The following CEP128 variants were observed in gnomAD, a reference collection of about 807,000 sequenced individuals.
CEP128 encodes centrosomal protein 128kDa.
A neutral mutation model predicts 156.7 loss-of-function variants in CEP128; 132 were observed. The ratio of observed to expected loss-of-function variants is 0.84; its 90% CI spans 0.73 to 0.97. The LOEUF (loss-of-function observed/expected upper bound fraction) is 0.97. Among genes scored for constraint, CEP128 ranks in the 50% least tolerant of loss-of-function variants. CEP128 has a pLI of 0.00. For missense variants in CEP128, 1,252 were observed against 1,281.9 expected, an observed-to-expected ratio of 0.98 and a Z score of 0.36; for synonymous variants, 469 against 448.9, an observed-to-expected ratio of 1.04 and a Z score of -0.57.
At chr14:80,551,593 C>A (rs1890210198) in intron 21 of CEP128, among the ~76,000 whole-genome samples, 1 of 152,180 alleles carries the variant, frequency 6.6e-6, no homozygotes, top group African/African-American at 2.4e-5. Context: ...AAAACAGATA[C>A]ATAGGTAAGG....
At chr14:80,608,460 T>C (rs1404594913) in intron 19 of CEP128, among the ~76,000 whole-genome samples, 1 of 152,206 alleles carries the variant, frequency 6.6e-6, no homozygotes, top group African/African-American at 2.4e-5. Flanking sequence ...TACTGTCCTC[T>C]AACACCAAGC....
At chr14:80,700,830 G>T (rs1033674423) in intron 19 of CEP128, among the ~76,000 whole-genome samples, 1 of 152,088 alleles carries the variant, frequency 6.6e-6, no homozygotes, top group East Asian at 1.9e-4. Flanking sequence ...AAATAATATT[G>T]TTTCTTTATA....
chr14:80,735,668 A>G (rs1898493287), intron 19 of CEP128, among the ~76,000 whole-genome samples: 1 of 152,212 alleles, frequency 6.6e-6, no homozygotes, highest in South Asian at 2.1e-4. Context: ...ATGCAAATTT[A>G]TTATGTTACA....
intron 20 of CEP128, among the ~76,000 whole-genome samples, chr14:80,566,053 T>C (rs1010502874): frequency 1.3e-5 from 2 of 152,196 alleles, no homozygotes; most frequent in African/African-American, 4.8e-5. Flanking sequence ...TCTCTGGGAC[T>C]TAGGGACCAT....
chr14:80,736,775 A>C (rs763293719), intron 19 of CEP128, among the ~76,000 whole-genome samples: 9 of 152,242 alleles, frequency 5.9e-5, no homozygotes, highest in Non-Finnish European at 1.2e-4. Context: ...ATGAATCATA[A>C]GTTTCCACTG....
chr14:80,752,622 C>A (rs1340250297), intron 18 of CEP128, among the ~76,000 whole-genome samples: 8 of 152,070 alleles, frequency 5.3e-5, no homozygotes, highest in East Asian at 1.9e-4. Context: ...ACTTCTCACA[C>A]AATGTTTTAA....
At chr14:80,517,780 T>C (rs749313496) in intron 23 of CEP128, among the ~76,000 whole-genome samples, 1 of 152,060 alleles carries the variant, frequency 6.6e-6, no homozygotes, top group Non-Finnish European at 1.5e-5. Context: ...AAGCTGTGGG[T>C]CATGGAAGAG....
At chr14:80,680,310 G>C (rs1403097326) in intron 19 of CEP128, among the ~76,000 whole-genome samples, 1 of 152,094 alleles carries the variant, frequency 6.6e-6, no homozygotes, top group Non-Finnish European at 1.5e-5. Flanking sequence ...TCATGGTAAA[G>C]TGATCCACCC....
At chr14:80,713,321 C>T (rs748105309) in intron 19 of CEP128, among the ~76,000 whole-genome samples, 4 of 152,112 alleles carry the variant, frequency 2.6e-5, no homozygotes, top group East Asian at 1.9e-4. Context: ...AAATATACTA[C>T]GACTTCTGTC....
intron 13 of CEP128, among the ~76,000 whole-genome samples, chr14:80,801,938 G>A (rs75470798): frequency 2.8e-3 from 122 of 43,632 alleles, no homozygotes; most frequent in Middle Eastern, 0.012. Flanking sequence ...AAAAAAAAAA[G>A]CTCAACATCA....
At chr14:80,921,032 G>C (rs568912674) in intron 2 of CEP128, among the ~76,000 whole-genome samples, 43 of 152,214 alleles carry the variant, frequency 2.8e-4, no homozygotes, top group African/African-American at 8.4e-4. Context: ...TACAAGAATG[G>C]TTAAACTATG....
intron 9 of CEP128, among the ~76,000 whole-genome samples, chr14:80,845,397 T>G (rs1255211481): frequency 6.6e-6 from 1 of 152,130 alleles, no homozygotes. Context: ...TTTCCAGGAT[T>G]TCCTTCAAAA....
intron 20 of CEP128, among the ~76,000 whole-genome samples, chr14:80,568,823 T>G (rs1032782257): frequency 3.9e-5 from 6 of 152,170 alleles, no homozygotes; most frequent in African/African-American, 1.2e-4. Context: ...AACCAACAAC[T>G]AAGTTTTTAG....
chr14:80,838,906 T>C lies in CEP128; in HGVS notation c.850-628A>G, dbSNP rs529501170. Among the ~76,000 whole-genome samples the C allele has an allele frequency of 2.0e-5, 3 of 152,288 alleles. No homozygotes were observed. In the South Asian group the frequency reaches 6.2e-4, roughly 32 times the overall value. On this transcript the variant is annotated intron_variant, in intron 10 of 24. Coordinates refer to ENST00000555265, the MANE Select transcript of CEP128 (RefSeq NM_152446.5). The stretch of plus-strand genomic sequence containing the variant: ...CCAGTTCAGGAGATCAAGACCATCC[T>C]GGCTAACACGGTGAAACCCCATCTC...
At chr14:80,585,550 C>T (rs950507340) in intron 19 of CEP128, among the ~76,000 whole-genome samples, 10 of 152,182 alleles carry the variant, frequency 6.6e-5, no homozygotes, top group Non-Finnish European at 1.3e-4. Context: ...CATATTACAA[C>T]TAAGCCCAAC....
At chr14:80,812,744 T>C (rs1006136568) in intron 13 of CEP128, among the ~76,000 whole-genome samples, 19 of 152,194 alleles carry the variant, frequency 1.2e-4, no homozygotes, top group African/African-American at 4.6e-4. Flanking sequence ...TTTGTATTTT[T>C]AGTAGAGACG....
At chr14:80,513,137 G>C (rs1436419755) in intron 23 of CEP128, among the ~76,000 whole-genome samples, 1 of 152,090 alleles carries the variant, frequency 6.6e-6, no homozygotes, top group Non-Finnish European at 1.5e-5. Flanking sequence ...ACTCCCATTA[G>C]CATTTGTTAT....
intron 19 of CEP128, among the ~76,000 whole-genome samples, chr14:80,640,264 C>T (rs1358222934): frequency 6.6e-6 from 1 of 152,100 alleles, no homozygotes; most frequent in East Asian, 1.9e-4. Context: ...AAAGGGAAAA[C>T]TATTTTTTAA....
intron 20 of CEP128, among the ~76,000 whole-genome samples, chr14:80,572,867 A>G (rs1459305769): frequency 6.6e-6 from 1 of 152,206 alleles, no homozygotes; most frequent in Non-Finnish European, 1.5e-5. Flanking sequence ...GAGTCAAATC[A>G]TCTTCCCCCT....
Sources: gnomAD v4.1 joint callset for allele counts (sites outside exome capture counted in the v4.1 genomes callset) on GRCh38, gnomAD v4.1.1 for gene constraint, MANE v1.5 for transcripts, NCBI Gene and HGNC (gene_info 2026-07-23, HGNC 2026-07-21) for gene names.